Variants in TOGARAM1 observed in about 807,000 individuals in gnomAD.
TOGARAM1 encodes TOG array regulator of axonemal microtubules protein 1.
Under a neutral mutation model 166.6 loss-of-function variants are expected in TOGARAM1, and 100 were observed. The observed-to-expected ratio is 0.60, with a 90% CI of 0.51 to 0.71. The LOEUF is 0.71. TOGARAM1 is among the 30% of genes least tolerant of loss of function. The pLI, the probability that TOGARAM1 is intolerant of heterozygous loss-of-function variation, is 0.00. For missense variants in TOGARAM1, 2,029 were observed against 2,102.7 expected (o/e 0.96, Z 0.69); for synonymous variants, 758 against 763.8 (o/e 0.99, Z 0.13).
At chr14:44,979,360 C>T (rs991576949) in intron 1 of TOGARAM1, among the ~76,000 whole-genome samples, 3 of 152,094 alleles carry the variant, frequency 2.0e-5, no homozygotes, top group Admixed American at 6.5e-5. Context: ...GCTTCATAGA[C>T]AGCACCTTCT....
rs1277883410 is a variant in TOGARAM1, at chr14:44,964,070, T to A, written c.1649T>A (p.Phe550Tyr). Residue 550 changes from phenylalanine to tyrosine, a missense_variant, in exon 1 of 20, where the codon TTT becomes TAT. This residue lies in a region of TOGARAM1 where 1,453 missense variants were observed against 1,432.2 expected (regional missense o/e 1.01). Coordinates refer to ENST00000361462, the MANE Select transcript of TOGARAM1 (RefSeq NM_001308120.2). ...SMGSGKTSIL[F>Y]KAVDTVELQD... Reference sequence around the variant, plus strand: ...GGCTCAGGTAAAACCAGCATCCTTTTTAAAGCTGTGGATACAGTTGAACTG... The same window carrying A: ...GGCTCAGGTAAAACCAGCATCCTTTATAAAGCTGTGGATACAGTTGAACTG... 6.2e-7 allele frequency: 1 copy of A among 1,613,986 alleles called. No homozygotes were observed. Among genetic ancestry groups the A allele is most frequent in the Admixed American group, 1.7e-5 (1 of 60,004 alleles).
intron 7 of TOGARAM1, among the ~76,000 whole-genome samples, chr14:45,016,958 C>A (rs991760009): frequency 6.6e-6 from 1 of 152,110 alleles, no homozygotes; most frequent in Non-Finnish European, 1.5e-5. Flanking sequence ...ATAGGGTTTA[C>A]AACATCCAGT....
intron 14 of TOGARAM1, among the ~76,000 whole-genome samples, chr14:45,049,063 A>AC (rs1882227469): frequency 6.8e-6 from 1 of 146,084 alleles, no homozygotes; most frequent in African/African-American, 2.6e-5. Context: ...TTCTCAAAAA[A>AC]AAAAAAAAAA....
chr14:45,013,960 T>TA (rs1879961843), intron 7 of TOGARAM1, among the ~76,000 whole-genome samples: 1 of 152,108 alleles, frequency 6.6e-6, no homozygotes, highest in South Asian at 2.1e-4. Flanking sequence ...TTGGGAGTCA[T>TA]TTAAGTTTTA....
chr14:45,032,398 T>G (rs752618337), intron 11 of TOGARAM1, 22 bp downstream of exon 11: 2 of 1,598,782 alleles, frequency 1.3e-6, no homozygotes, highest in East Asian at 2.2e-5. Context: ...ATCCTTAACT[T>G]AAAACTAAGC....
chr14:45,024,669 G>A (rs889444676), intron 7 of TOGARAM1, among the ~76,000 whole-genome samples: 6 of 152,134 alleles, frequency 3.9e-5, no homozygotes, highest in African/African-American at 4.8e-5. Flanking sequence ...CACAGAACAC[G>A]TTTTTGGGCT....
At chr14:45,022,920 G>T (rs954983364) in intron 7 of TOGARAM1, 2 of 152,000 alleles carry the variant, frequency 1.3e-5, no homozygotes, top group Non-Finnish European at 2.9e-5. Context: ...GTGTTCCCTC[G>T]GAAGTTAGGA....
intron 1 of TOGARAM1, among the ~76,000 whole-genome samples, chr14:44,990,109 CAA>C (rs569091075): frequency 3.0e-4 from 45 of 152,282 alleles, no homozygotes; most frequent in African/African-American, 1.0e-3. Flanking sequence ...CAATTCAAGA[CAA>C]GATTTGGGTA....
At chr14:44,995,672 C>T in intron 1 of TOGARAM1, 74 bp from the exon 2 acceptor site, 1 of 1,029,914 alleles carries the variant, frequency 9.7e-7, no homozygotes, top group Non-Finnish European at 1.4e-6. Flanking sequence ...ATAATTGGAT[C>T]TAAGTTATTT....
At chr14:44,990,498 A>G (rs1887066526) in intron 1 of TOGARAM1, among the ~76,000 whole-genome samples, 1 of 152,258 alleles carries the variant, frequency 6.6e-6, no homozygotes, top group South Asian at 2.1e-4. Flanking sequence ...CAGAGGGACA[A>G]TATATTAGTG....
At chr14:44,965,390 T>C (rs1210755424) in intron 1 of TOGARAM1, among the ~76,000 whole-genome samples, 2 of 152,258 alleles carry the variant, frequency 1.3e-5, no homozygotes, top group Non-Finnish European at 2.9e-5. Flanking sequence ...ATGTGGTTAA[T>C]GTCCCTTGTA....
chr14:44,992,167 C>G (rs2138796690), intron 1 of TOGARAM1, among the ~76,000 whole-genome samples: 1 of 142,008 alleles, frequency 7.0e-6, no homozygotes, highest in Admixed American at 7.1e-5. Flanking sequence ...ATGGGAAGTA[C>G]TTTTATTATA....
intron 10 of TOGARAM1, among the ~76,000 whole-genome samples, chr14:45,030,888 A>G (rs1881118869): frequency 6.6e-6 from 1 of 152,152 alleles, no homozygotes; most frequent in Non-Finnish European, 1.5e-5. Context: ...GTAAAATGCA[A>G]TTATTTTCTC....
intron 7 of TOGARAM1, among the ~76,000 whole-genome samples, chr14:45,015,329 A>G (rs866534104): frequency 3.5e-5 from 5 of 141,180 alleles, no homozygotes; most frequent in African/African-American, 1.5e-4. Context: ...TAAATAAATA[A>G]ATAAATAAAT....
At chr14:45,059,521 C>T (rs916323477) in intron 16 of TOGARAM1, among the ~76,000 whole-genome samples, 11 of 152,150 alleles carry the variant, frequency 7.2e-5, no homozygotes, top group African/African-American at 2.2e-4. Flanking sequence ...TGATGGCGCA[C>T]GCCTGTAATC....
chr14:45,017,814 G>A (rs533973621), intron 7 of TOGARAM1, among the ~76,000 whole-genome samples: 1 of 152,334 alleles, frequency 6.6e-6, no homozygotes, highest in African/African-American at 2.4e-5. Flanking sequence ...GAACCCGGGA[G>A]GCGGAGGTTG....
chr14:44,962,740 C>T lies in TOGARAM1; in HGVS notation c.319C>T (p.Arg107Trp). The change falls in exon 1 of 20, where the codon CGG becomes TGG. Residue 107 changes from arginine (R) to tryptophan (W), a missense_variant. Transcript: ENST00000361462. ...TRLLQLLRTA[R>W]DPSEAFQALQ... The stretch of plus-strand genomic sequence containing the variant: ...GCTCCTTCAACTCCTCCGCACTGCC[C>T]GGGATCCTTCTGAGGCCTTCCAGGC... The T allele has an allele frequency of 6.2e-7, 1 of 1,613,742 alleles. No homozygotes were observed. Among genetic ancestry groups the T allele is most frequent in the Non-Finnish European group, 8.5e-7 (1 of 1,180,030 alleles).
At chr14:44,983,658 G>A (rs1223999626) in intron 1 of TOGARAM1, among the ~76,000 whole-genome samples, 1 of 152,172 alleles carries the variant, frequency 6.6e-6, no homozygotes, top group Non-Finnish European at 1.5e-5. Context: ...TAACAAATTT[G>A]ATAAGAAATT....
intron 7 of TOGARAM1, among the ~76,000 whole-genome samples, chr14:45,016,038 T>C (rs1398397813): frequency 6.6e-6 from 1 of 152,164 alleles, no homozygotes; most frequent in East Asian, 1.9e-4. Context: ...GGTCACAGTT[T>C]GTAAATTCTG....
Sources: gnomAD v4.1 joint callset for allele counts (sites outside exome capture counted in the v4.1 genomes callset) on GRCh38, gnomAD v4.1.1 for gene constraint, gnomAD v4.1.1 regional missense constraint, MANE v1.5 for transcripts, NCBI Gene and HGNC (gene_info 2026-07-23, HGNC 2026-07-21) for gene names.